Variants in EPPK1 observed in about 807,000 individuals in gnomAD.
EPPK1 encodes epiplakin.
For synonymous variants in EPPK1, 1,862 were observed against 1,721.2 expected (o/e 1.08, Z -2.03); for missense variants, 3,823 against 3,673.3 (o/e 1.04, Z -1.05).
In EPPK1 at chr8:143,871,440, T is replaced by C. The variant is rs1554661158; in HGVS notation, c.1814A>G (p.Tyr605Cys). 1 of 1,605,560 alleles carries C rather than the reference T, an allele frequency of 6.2e-7. No individual in the cohort carries two copies. Among genetic ancestry groups the C allele is most frequent in the Admixed American group, 1.7e-5 (1 of 59,172 alleles). Residue 605 changes from tyrosine (Y) to cysteine (C), a missense_variant, in exon 2 of 2, where the codon TAC (tyrosine) becomes TGC (cysteine). Coordinates refer to ENST00000615648, the MANE Select transcript of EPPK1 (RefSeq NM_031308.4). ...DVGSLASVQR[Y>C]LQGTGCIAGL... Reference sequence around the variant, plus strand: ...AGCAATGCAGCCCGTACCCTGCAGGTACCTCTGCACCGAGGCCAGGCTGCC... The same window carrying C: ...AGCAATGCAGCCCGTACCCTGCAGGCACCTCTGCACCGAGGCCAGGCTGCC...
At position 143,866,711 on chromosome 8, in the gene EPPK1, G is replaced by C. The variant is rs1554659136; in HGVS notation, c.6543C>G (p.Ile2181Met). Reference protein sequence around the residue: ...HLWFQGIRRQITASELLSSAI... With the variant: ...HLWFQGIRRQMTASELLSSAI... ...CTGAGCTGAGGAGTTCAGAAGCTGT[G>C]ATCTGTCGTCTAATTCCTTGGAACC... The change falls in exon 2 of 2, where the codon ATC becomes ATG. Residue 2181 changes from isoleucine to methionine, a missense_variant. Transcript: ENST00000615648. The C allele has an allele frequency of 1.9e-6, 3 of 1,613,294 alleles. No homozygotes were observed. Among genetic ancestry groups the C allele is most frequent in the Non-Finnish European group, 2.5e-6 (3 of 1,179,880 alleles).
chr8:143,873,331 C>A, intron 1 of EPPK1, 33 bp from the exon 2 acceptor site: 1 of 1,398,402 alleles, frequency 7.2e-7, no homozygotes, highest in Non-Finnish European at 9.3e-7. Context: ...ATCAGGGACC[C>A]CGCATGGCCT....
chr8:143,872,506 C>T lies in EPPK1; in HGVS notation c.748G>A (p.Val250Met). The T allele has an allele frequency of 6.3e-7, 1 of 1,597,364 alleles. No individual in the cohort carries two copies. The highest frequency in any genetic ancestry group is 8.5e-7 in the Non-Finnish European group (1 of 1,176,098). ...ACAGCCTGCTCGTCCAGGATGCCCA[C>T]CTCCAGCAGCTCAGCTGCACTCACC... ...GAVSAAELLEVGILDEQAVQG... is the reference protein window; with the variant it reads ...GAVSAAELLEMGILDEQAVQG... The change falls in exon 2 of 2, where the codon GTG becomes ATG. Residue 250 changes from valine to methionine, a missense_variant. Transcript: ENST00000615648.
rs78784610 is a variant in EPPK1 at position 143,872,709 on chromosome 8, C to A, written c.545G>T (p.Arg182Leu). The A allele has an allele frequency of 1.3e-6, 2 of 1,598,228 alleles. 1 individual carries two copies. Among genetic ancestry groups the A allele is most frequent in the South Asian group, 2.2e-5 (2 of 89,442 alleles). Residue 182 changes from arginine to leucine, a missense_variant, in exon 2 of 2, where the codon CGG (arginine) becomes CTG (leucine). Physicochemically the swap from Arg to Leu is moderately radical, Grantham distance 102. Coordinates refer to ENST00000615648, the MANE Select transcript of EPPK1 (RefSeq NM_031308.4). Reference sequence around the variant, plus strand: ...CTCTGACAGCTTGTGCCATGTCTCCCGGTCCAGGAGGCCCTGGTGGCAGGC... The same window carrying A: ...CTCTGACAGCTTGTGCCATGTCTCCAGGTCCAGGAGGCCCTGGTGGCAGGC... ...EPACHQGLLD[R>L]ETWHKLSELE...
At position 143,867,570 on chromosome 8, in the gene EPPK1, C is replaced by A. The variant is rs375397416; in HGVS notation, c.5684G>T (p.Gly1895Val). 1.2e-6 allele frequency: 2 copies of A among 1,612,820 alleles called. No homozygotes were observed. Among genetic ancestry groups the A allele is most frequent in the African/African-American group, 1.3e-5 (1 of 74,932 alleles). Residue 1895 changes from glycine to valine, a missense_variant, in exon 2 of 2, where the codon GGC becomes GTC. Coordinates refer to ENST00000615648, the MANE Select transcript of EPPK1 (RefSeq NM_031308.4). The part of the protein sequence containing the change: ...TLECVKPYLE[G>V]SGCIAGVTVP... ...CGTGACCCCCGCAATGCAGCCGCTG[C>A]CTTCCAGATAGGGCTTCACACACTC...
In EPPK1 at chr8:143,867,628, C is replaced by G. The variant is rs782087018; in HGVS notation, c.5626G>C (p.Gly1876Arg). Residue 1876 changes from glycine to arginine, a missense_variant, in exon 2 of 2, where the codon GGG becomes CGG. Transcript: ENST00000615648. ...DQKTLHTLRV[G>R]RTGGQALSTL... is the part of the protein sequence containing the mutation. ...CTGAGTGCCTGTCCCCCAGTCCTCC[C>G]CACACGAAGTGTGTGCAGGGTCTTC... is the stretch of plus-strand genomic sequence containing the variant. The G allele has an allele frequency of 1.2e-6, 2 of 1,613,342 alleles. No individual in the cohort carries two copies. Among genetic ancestry groups the G allele is most frequent in the South Asian group, 2.2e-5 (2 of 91,086 alleles).
intron 1 of EPPK1, among the ~76,000 whole-genome samples, chr8:143,874,176 A>G (rs1212678900): frequency 6.6e-6 from 1 of 152,012 alleles, no homozygotes; most frequent in African/African-American, 2.4e-5. Flanking sequence ...CCCTGCGCCA[A>G]CCCCTTCCAC....
rs1235530290 is a variant in EPPK1, at chr8:143,857,393, G to A, written c.*594C>T. Reference sequence around the variant, plus strand: ...CTACAAAAAGTTCTTCTCCACAACAGACTCGCTCAGTCAACGCTAGTGAGG... The same window carrying A: ...CTACAAAAAGTTCTTCTCCACAACAAACTCGCTCAGTCAACGCTAGTGAGG... On this transcript the variant is annotated 3_prime_UTR_variant, in exon 2 of 2. Transcript: ENST00000615648. 6.6e-6 allele frequency: 1 copy of A among 152,342 alleles called. No individual in the cohort carries two copies. The allele number at this position is 152,342 out of a possible 1,614,324, so 9.4% of individuals were successfully genotyped here. A position where few individuals can be genotyped will look rare whatever the true frequency, so the allele number is the denominator to read the frequency against.
rs1287205326 is a variant in EPPK1 at position 143,857,681 on chromosome 8, T to C, written c.*306A>G. On this transcript the variant is annotated 3_prime_UTR_variant, in exon 2 of 2. Transcript: ENST00000615648. The stretch of plus-strand genomic sequence containing the variant: ...TGAGAGTCTAAAGAGTGACATTCTG[T>C]AAAATGGAAGCAGTGAATCCAAAAC... 9 of 357,496 alleles carry C rather than the reference T, an allele frequency of 2.5e-5. No individual in the cohort carries two copies. The highest frequency in any genetic ancestry group is 1.1e-4 in the African/African-American group (5 of 47,538). 22.1% of individuals were successfully genotyped at this position (357,496 alleles called of 1,614,324 possible). A position where few individuals can be genotyped will look rare whatever the true frequency, so the allele number is the denominator to read the frequency against.
Position 143,871,940 on chromosome 8 carries a change from G to C in EPPK1, c.1314C>G (p.Phe438Leu). The C allele has an allele frequency of 6.2e-7, 1 of 1,602,276 alleles. No homozygotes were observed. Among genetic ancestry groups the C allele is most frequent in the Non-Finnish European group, 8.5e-7 (1 of 1,178,818 alleles). Residue 438 changes from phenylalanine to leucine, a missense_variant, in exon 2 of 2, where the codon TTC becomes TTG. Physicochemically the swap from Phe to Leu is conservative, Grantham distance 22. Coordinates refer to ENST00000615648, the MANE Select transcript of EPPK1 (RefSeq NM_031308.4). The stretch of plus-strand genomic sequence containing the variant: ...GCAGGCCGCCGTGCGTGCCGTCTGA[G>C]AAGCTGCCAGCCTGCGAGAGCTGCC... ...TQRQLSQAGS[F>L]SDGTHGGLRY...
Position 143,870,293 on chromosome 8 carries a change from G to A in EPPK1, c.2961C>T (p.Ala987=), listed in dbSNP as rs371733907. The change falls in exon 2 of 2, where the codon GCC becomes GCT. Residue 987 remains alanine, a synonymous_variant. Transcript: ENST00000615648. The surrounding 1 kb of genome is among the most constrained non-coding windows in gnomAD (Gnocchi z 5.2). The part of the protein sequence containing the change: ...HSPESLSVDE[A]VRRGVVGPEL... ...CCGGCCCCACCACACCCCTGCGCAC[G>A]GCCTCATCCACCGAGAGGCTCTCTG... 8.8e-6 allele frequency: 14 copies of A among 1,583,174 alleles called. No homozygotes were observed. Among genetic ancestry groups the A allele is most frequent in the African/African-American group, 5.4e-5 (4 of 74,216 alleles).
chr8:143,877,154 T>A (rs114446769), intron 1 of EPPK1, among the ~76,000 whole-genome samples: 1,953 of 152,338 alleles, frequency 0.013, 56 homozygotes, highest in African/African-American at 0.045. Flanking sequence ...GGCCTGTGGC[T>A]GGCTGCACCA....
chr8:143,863,219 GT>G lies in EPPK1; in HGVS notation c.10034del (p.Asn3345ThrfsTer2). The G allele has an allele frequency of 1.4e-5, 2 of 139,948 alleles. No homozygotes were observed. Among genetic ancestry groups the G allele is most frequent in the East Asian group, 1.1e-4 (2 of 19,046 alleles). The allele number at this position is 139,948 out of a possible 1,614,324, so 8.7% of individuals were successfully genotyped here. On this transcript the variant is annotated frameshift_variant, in exon 2 of 2. Transcript: ENST00000615648. LOFTEE classifies it low-confidence loss of function (END_TRUNC). ...CGGCCTCCTCCACCGACAGCCTCAG[GT>G]TGCGCACGGGGTCGATGACGAAGCC... ...ATGFVIDPVR[N>X]LRLSVEEAVA... is the part of the protein sequence containing the mutation.
chr8:143,866,680 T>C lies in EPPK1; in HGVS notation c.6574A>G (p.Ile2192Val). The change falls in exon 2 of 2, where the codon ATC becomes GTC. Residue 2192 changes from isoleucine (I) to valine (V), a missense_variant. By Grantham distance (29) the Ile-to-Val change is conservative (BLOSUM62 3). Coordinates refer to ENST00000615648, the MANE Select transcript of EPPK1 (RefSeq NM_031308.4). ...TASELLSSAI[I>V]TEEMLQDLET... The stretch of plus-strand genomic sequence containing the variant: ...AGGTCCTGGAGCATTTCCTCCGTGA[T>C]TATGGCTGAGCTGAGGAGTTCAGAA... 6.2e-7 allele frequency: 1 copy of C among 1,613,272 alleles called. No homozygotes were observed. Among genetic ancestry groups the C allele is most frequent in the Non-Finnish European group, 8.5e-7 (1 of 1,179,870 alleles).
rs549123395 is a variant in EPPK1 at position 143,858,110 on chromosome 8, G to C, written c.15144C>G (p.Ser5048Arg). The change falls in exon 2 of 2, where the codon AGC becomes AGG. Residue 5048 changes from serine (S) to arginine (R), a missense_variant. Ser to Arg is a moderately radical substitution (Grantham distance 110). Coordinates refer to ENST00000615648, the MANE Select transcript of EPPK1 (RefSeq NM_031308.4). The stretch of plus-strand genomic sequence containing the variant: ...GGTCGAAGAAGCCCTTGGTGTCGTC[G>C]CTGGGGTCGGCCAGGACGCGGTTCA... The part of the protein sequence containing the change: ...EEMNRVLADP[S>R]DDTKGFFDPN... 6.2e-7 allele frequency: 1 copy of C among 1,610,618 alleles called. No individual in the cohort carries two copies. The highest frequency in any genetic ancestry group is 1.1e-5 in the South Asian group (1 of 91,088).
At position 143,871,914 on chromosome 8, in the gene EPPK1, C is replaced by T. The variant is rs782075218; in HGVS notation, c.1340G>A (p.Arg447His). Residue 447 changes from arginine to histidine, a missense_variant, in exon 2 of 2, where the codon CGC (arginine) becomes CAC (histidine). Arg to His is a conservative substitution (Grantham distance 29). Coordinates refer to ENST00000615648, the MANE Select transcript of EPPK1 (RefSeq NM_031308.4). ...ACAGAGGGCCAGCAGCTGTTCATAG[C>T]GCAGGCCGCCGTGCGTGCCGTCTGA... ...SFSDGTHGGL[R>H]YEQLLALCVT... 3.1e-6 allele frequency: 5 copies of T among 1,606,330 alleles called. No homozygotes were observed. The highest frequency in any genetic ancestry group is 2.5e-6 in the Non-Finnish European group (3 of 1,179,514).
rs1554661075 is a variant in EPPK1, at chr8:143,871,230, G to A, written c.2024C>T (p.Pro675Leu). ...CGACAGCAGCTTCGCGAACACATCA[G>A]GCCCAATGACAGCAGCCCTCAGTGC... is the stretch of plus-strand genomic sequence containing the variant. ...EEALRAAVIG[P>L]DVFAKLLSAE... The change falls in exon 2 of 2, where the codon CCT (proline) becomes CTT (leucine). Residue 675 changes from proline to leucine, a missense_variant. Transcript: ENST00000615648. 2 of 1,613,206 alleles carry A rather than the reference G, an allele frequency of 1.2e-6. No individual in the cohort carries two copies. The highest frequency in any genetic ancestry group is 1.7e-6 in the Non-Finnish European group (2 of 1,180,014).
rs1192084216 is a variant in EPPK1, at chr8:143,871,414, C to T, written c.1840G>A (p.Gly614Ser). The change falls in exon 2 of 2, where the codon GGC becomes AGC. Residue 614 changes from glycine (G) to serine (S), a missense_variant. Physicochemically the swap from Gly to Ser is moderately conservative, Grantham distance 56. Coordinates refer to ENST00000615648, the MANE Select transcript of EPPK1 (RefSeq NM_031308.4). ...TCCTGGGAGCCAGGGAGCAGCAGGC[C>T]AGCAATGCAGCCCGTACCCTGCAGG... ...RYLQGTGCIA[G>S]LLLPGSQERL... 1 of 1,604,110 alleles carries T rather than the reference C, an allele frequency of 6.2e-7. No individual in the cohort carries two copies. The highest frequency in any genetic ancestry group is 8.5e-7 in the Non-Finnish European group (1 of 1,176,694).
At position 143,870,821 on chromosome 8, in the gene EPPK1, C is replaced by A. The variant is rs1042451464; in HGVS notation, c.2433G>T (p.Gln811His). ...AGAGCAGCAGGTTCTGGAAGGCCTGCTGGGTGGCACTGTCCACCAGCGGGG... is the reference window on the plus strand; with the variant it reads ...AGAGCAGCAGGTTCTGGAAGGCCTGATGGGTGGCACTGTCCACCAGCGGGG... Reference protein sequence around the residue: ...TQSPLVDSATQQAFQNLLLSV... With the variant: ...TQSPLVDSATHQAFQNLLLSV... Residue 811 changes from glutamine to histidine, a missense_variant, in exon 2 of 2, where the codon CAG (glutamine) becomes CAT (histidine). By Grantham distance (24) the Gln-to-His change is conservative. Transcript: ENST00000615648. This position sits in a 1 kb window ranked among gnomAD's most constrained non-coding sequence, Gnocchi z 5.2. 3.1e-6 allele frequency: 5 copies of A among 1,612,688 alleles called. No homozygotes were observed. The Admixed American group carries it at 8.3e-5, about 27-fold the overall frequency.
Sources: gnomAD v4.1 joint callset for allele counts (sites outside exome capture counted in the v4.1 genomes callset) on GRCh38, gnomAD v4.1.1 for gene constraint, Gnocchi (gnomAD v3.1) non-coding constraint, MANE v1.5 for transcripts, NCBI Gene and HGNC (gene_info 2026-07-23, HGNC 2026-07-21) for gene names.